The following PPP6R3 variants were observed in gnomAD, a reference collection of about 807,000 sequenced individuals.
PPP6R3 encodes the protein protein phosphatase 6 regulatory subunit 3, also known as serine/threonine-protein phosphatase 6 regulatory subunit 3.
Under a neutral mutation model 110.7 loss-of-function variants are expected in PPP6R3, and 38 were observed. The observed-to-expected ratio is 0.34, with a 90% CI of 0.26 to 0.45. The LOEUF is 0.45. Among genes scored for constraint, PPP6R3 ranks in the 20% least tolerant of loss-of-function variants. PPP6R3 has a pLI of 1.00. For missense variants in PPP6R3, 870 were observed against 1,062.4 expected, an observed-to-expected ratio of 0.82 and a Z score of 2.52; for synonymous variants, 369 against 373.5, an observed-to-expected ratio of 0.99 and a Z score of 0.14.
At position 68,482,427 on chromosome 11, in the gene PPP6R3, A is replaced by T. The variant is rs1591775353; in HGVS notation, c.-158+21600A>T. Among the ~76,000 whole-genome samples the T allele has an allele frequency of 2.0e-5, 3 of 151,026 alleles. No individual in the cohort carries two copies. The East Asian group carries it at 5.8e-4, about 29-fold the overall frequency. On this transcript the variant is annotated intron_variant, in intron 1 of 23. Transcript: ENST00000393800. ...AGACTGCCAAAAAAAAAAAAAAAAA[A>T]TTTCCTCTCTTTCCCATAGAAAATG...
intron 7 of PPP6R3, among the ~76,000 whole-genome samples, chr11:68,557,638 C>T (rs1316881529): frequency 1.3e-5 from 2 of 152,154 alleles, no homozygotes; most frequent in African/African-American, 2.4e-5. Flanking sequence ...CCTGCCTCAG[C>T]CTTCTGATTA....
At position 68,564,224 on chromosome 11, in the gene PPP6R3, G is replaced by A. The variant is rs532472352; in HGVS notation, c.846-79G>A. ...CCAGAAAAGTTGATATAATCATTAA[G>A]TAAAGACATACATGGTCGATAACCT... On this transcript the variant is annotated intron_variant, in intron 8 of 23. Coordinates refer to ENST00000393800, the MANE Select transcript of PPP6R3 (RefSeq NM_001164161.2). 1.7e-5 allele frequency: 24 copies of A among 1,374,970 alleles called. No homozygotes were observed. In the South Asian group the frequency reaches 3.2e-4, roughly 18 times the overall value. 85.2% of individuals were successfully genotyped at this position (1,374,970 alleles called of 1,614,324 possible). A position where few individuals can be genotyped will look rare whatever the true frequency, so the allele number is the denominator to read the frequency against.
At chr11:68,554,058 T>C in intron 6 of PPP6R3, 87 bp from the exon 7 acceptor site, 1 of 1,034,592 alleles carries the variant, frequency 9.7e-7, no homozygotes, top group Non-Finnish European at 1.4e-6. Flanking sequence ...AATTTGTTAT[T>C]TCTTAAATAA....
intron 1 of PPP6R3, among the ~76,000 whole-genome samples, chr11:68,481,015 A>ATTT (rs926525312): frequency 3.9e-5 from 6 of 152,240 alleles, no homozygotes; most frequent in Non-Finnish European, 7.3e-5. Flanking sequence ...AGTACAGAAC[A>ATTT]TTAAAAACAA....
chr11:68,461,475 G>A (rs922467746), intron 1 of PPP6R3, among the ~76,000 whole-genome samples: 14 of 136,862 alleles, frequency 1.0e-4, no homozygotes, highest in African/African-American at 3.8e-4. Flanking sequence ...ATGCCTCCCT[G>A]GTGTATTTGA....
chr11:68,509,105 A>G (rs1244576710), intron 1 of PPP6R3, among the ~76,000 whole-genome samples: 1 of 152,148 alleles, frequency 6.6e-6, no homozygotes, highest in African/African-American at 2.4e-5. Flanking sequence ...GAGTAGTCTT[A>G]CTCTAACCGT....
At chr11:68,573,154 A>ATATATATATATATATATATATAT (rs35361909) in intron 12 of PPP6R3, among the ~76,000 whole-genome samples, 9 of 74,308 alleles carry the variant, frequency 1.2e-4, no homozygotes, top group East Asian at 4.6e-4. Context: ...ATATATATAT[A>ATATATATATATATATATATATAT]ATTTTTTTTT....
intron 1 of PPP6R3, among the ~76,000 whole-genome samples, chr11:68,507,852 G>A (rs768029487): frequency 1.3e-5 from 2 of 152,092 alleles, no homozygotes; most frequent in Non-Finnish European, 2.9e-5. Context: ...TGCATGTTAT[G>A]CAATAGCTAT....
At chr11:68,600,196 T>TG in intron 19 of PPP6R3, 145 bp from the exon 20 acceptor site, 1 of 825,172 alleles carries the variant, frequency 1.2e-6, no homozygotes, top group African/African-American at 1.7e-5. Context: ...CAGGTGGCTG[T>TG]GCCCTGTCCG....
intron 1 of PPP6R3, among the ~76,000 whole-genome samples, chr11:68,484,003 G>C (rs758646239): frequency 6.6e-6 from 1 of 152,122 alleles, no homozygotes; most frequent in Admixed American, 6.5e-5. Context: ...CTTCTTTCAC[G>C]TAATAATATG....
At chr11:68,539,800 A>T (rs2099300851) in intron 3 of PPP6R3, among the ~76,000 whole-genome samples, 1 of 152,212 alleles carries the variant, frequency 6.6e-6, no homozygotes, top group African/African-American at 2.4e-5. Context: ...AGAAAAATGA[A>T]GCATGACGAG....
In PPP6R3 at chr11:68,588,849, T is replaced by A. The variant is rs73506270; in HGVS notation, c.1730+825T>A. On this transcript the variant is annotated intron_variant, in intron 16 of 23. Coordinates refer to ENST00000393800, the MANE Select transcript of PPP6R3 (RefSeq NM_001164161.2). ...GAAGCCTATTGTTATTAGATTACAC[T>A]TTTAGGAATTCAAGTCACTGTTCTT... 9.1e-3 allele frequency among the ~76,000 whole-genome samples: 1,380 copies of A among 152,160 alleles called. 20 individuals carry two copies. Among genetic ancestry groups the A allele is most frequent in the African/African-American group, 0.032 (1,323 of 41,496 alleles).
rs1944900875 is a variant in PPP6R3 at position 68,614,754 on chromosome 11, C to CCTCT, written c.*1640_*1643dup. The CCTCT allele has an allele frequency of 1.2e-5, 18 of 1,538,222 alleles. 2 individuals carry two copies. In the South Asian group the frequency reaches 2.2e-4, roughly 19 times the overall value. On this transcript the variant is annotated 3_prime_UTR_variant, in exon 24 of 24. Coordinates refer to ENST00000393800, the MANE Select transcript of PPP6R3 (RefSeq NM_001164161.2). ...AGGAACCCCCTTTCCCGGGTGAGCCCCTCTCTGAAGAGACTGTCCTTGGGC... is the reference window on the plus strand; with the variant it reads ...AGGAACCCCCTTTCCCGGGTGAGCCCCTCTCTCTCTGAAGAGACTGTCCTTGGGC...
At chr11:68,461,039 C>T (rs1027815639) in intron 1 of PPP6R3, among the ~76,000 whole-genome samples, 1 of 151,664 alleles carries the variant, frequency 6.6e-6, no homozygotes, top group Non-Finnish European at 1.5e-5. Context: ...TCCTGTTAGC[C>T]GGGGGCCCCG....
intron 1 of PPP6R3, among the ~76,000 whole-genome samples, chr11:68,510,589 G>A (rs958169417): frequency 2.0e-5 from 3 of 151,968 alleles, no homozygotes; most frequent in African/African-American, 4.8e-5. Flanking sequence ...TCCTGCCTTG[G>A]TCTCTCAAAA....
At chr11:68,531,857 A>G (rs1230444539) in intron 2 of PPP6R3, among the ~76,000 whole-genome samples, 1 of 152,152 alleles carries the variant, frequency 6.6e-6, no homozygotes, top group Non-Finnish European at 1.5e-5. Flanking sequence ...CCAATAGTGG[A>G]GCTGGTGTTA....
intron 4 of PPP6R3, among the ~76,000 whole-genome samples, chr11:68,545,600 C>CT (rs1387480343): frequency 2.0e-5 from 3 of 152,214 alleles, no homozygotes; most frequent in African/African-American, 7.2e-5. Flanking sequence ...ACTTGGTTCT[C>CT]TAAGTGTGGT....
At chr11:68,543,208 G>A (rs2099328699) in intron 3 of PPP6R3, among the ~76,000 whole-genome samples, 1 of 152,160 alleles carries the variant, frequency 6.6e-6, no homozygotes, top group Non-Finnish European at 1.5e-5. Context: ...AGGTTATACA[G>A]CATGTAAGTG....
chr11:68,613,630 C>G lies in PPP6R3; in HGVS notation c.*513C>G, dbSNP rs1944539380. 1 of 985,636 alleles carries G rather than the reference C, an allele frequency of 1.0e-6. No homozygotes were observed. 61.1% of individuals were successfully genotyped at this position (985,636 alleles called of 1,614,324 possible). Reference sequence around the variant, plus strand: ...CTAAGTGTTATTTTGGTTGTTCTAACTTACAAAAGTGATTTTGAATAAGAA... The same window carrying G: ...CTAAGTGTTATTTTGGTTGTTCTAAGTTACAAAAGTGATTTTGAATAAGAA... On this transcript the variant is annotated 3_prime_UTR_variant, in exon 24 of 24. Transcript: ENST00000393800.
Sources: gnomAD v4.1 joint callset for allele counts (sites outside exome capture counted in the v4.1 genomes callset) on GRCh38, gnomAD v4.1.1 for gene constraint, MANE v1.5 for transcripts, NCBI Gene and HGNC (gene_info 2026-07-23, HGNC 2026-07-21) for gene names.